RAPGEF2: variants seen among roughly 807,000 people sequenced by gnomAD.
RAPGEF2 encodes Rap guanine nucleotide exchange factor 2.
RAPGEF2 carries 54 observed loss-of-function variants against 186.7 expected under a neutral mutation model. That is an observed-to-expected ratio of 0.29 (90% CI 0.23 to 0.36). RAPGEF2 has a LOEUF of 0.36. Among genes scored for constraint, RAPGEF2 ranks in the 10% least tolerant of loss-of-function variants. The pLI is 1.00. For missense variants in RAPGEF2, 1,532 were observed against 2,045.0 expected (o/e 0.75, Z 4.84); for synonymous variants, 712 against 705.9 (o/e 1.01, Z -0.14).
chr4:159,214,476 G>T (rs1022540625), intron 4 of RAPGEF2, among the ~76,000 whole-genome samples: 4 of 151,848 alleles, frequency 2.6e-5, no homozygotes, highest in African/African-American at 9.7e-5. Context: ...GTACCTAATG[G>T]ATAGGAAAAC....
Position 159,263,170 on chromosome 4 carries a change from G to A in RAPGEF2, c.543+19379G>A, listed in dbSNP as rs568480974. ...AGGACTTGTGTGAGGTATACCCAAAGATGAAATAGATGACGTGAAAATGTA... is the reference window on the plus strand; with the variant it reads ...AGGACTTGTGTGAGGTATACCCAAAAATGAAATAGATGACGTGAAAATGTA... On this transcript the variant is annotated intron_variant, in intron 7 of 29. Coordinates refer to ENST00000691494, the MANE Select transcript of RAPGEF2 (RefSeq NM_001394067.2). Among the ~76,000 whole-genome samples, 6 of 152,250 alleles carry A rather than the reference G, an allele frequency of 3.9e-5. No individual in the cohort carries two copies. In the South Asian group the frequency reaches 1.0e-3, roughly 26 times the overall value.
chr4:159,357,597 C>T (rs1178206350), intron 29 of RAPGEF2, among the ~76,000 whole-genome samples: 1 of 152,176 alleles, frequency 6.6e-6, no homozygotes, highest in Non-Finnish European at 1.5e-5. Context: ...GCAGGAGAAT[C>T]GCTTGAGCCC....
intron 7 of RAPGEF2, among the ~76,000 whole-genome samples, chr4:159,265,146 C>T (rs1434340201): frequency 6.6e-6 from 1 of 152,148 alleles, no homozygotes; most frequent in Non-Finnish European, 1.5e-5. Flanking sequence ...CTTTCCCAGT[C>T]AGTGGAAGGT....
In RAPGEF2 at chr4:159,333,491, C is replaced by T. The variant is rs1766983215; in HGVS notation, c.2135+794C>T. On this transcript the variant is annotated intron_variant, in intron 17 of 29. Transcript: ENST00000691494. ...TCTTCTATTTTCAGTTATTTAATTA[C>T]TGTCAAGGCATCAACAGCCAAGCAC... 2.6e-5 allele frequency among the ~76,000 whole-genome samples: 4 copies of T among 152,150 alleles called. No homozygotes were observed. The South Asian group carries it at 8.3e-4, about 32-fold the overall frequency.
intron 1 of RAPGEF2, among the ~76,000 whole-genome samples, chr4:159,131,074 GTGT>G (rs1740998757): frequency 7.5e-6 from 1 of 133,652 alleles, no homozygotes; most frequent in Non-Finnish European, 1.6e-5. Context: ...AGAGTTTCGC[GTGT>G]TGTTTTGTGT....
At chr4:159,269,887 A>T (rs1190549381) in intron 7 of RAPGEF2, among the ~76,000 whole-genome samples, 1 of 152,172 alleles carries the variant, frequency 6.6e-6, no homozygotes, top group East Asian at 1.9e-4. Flanking sequence ...CACTGCCAGG[A>T]GGAGGAAAAC....
Position 159,210,492 on chromosome 4 carries a change from C to G in RAPGEF2, c.198-8C>G, listed in dbSNP as rs992761559. 2.0e-6 allele frequency: 3 copies of G among 1,522,148 alleles called. No homozygotes were observed. In the African/African-American group the frequency reaches 4.1e-5, roughly 21 times the overall value. The allele number at this position is 1,522,148 out of a possible 1,614,324, so 94.3% of individuals were successfully genotyped here. A position where few individuals can be genotyped will look rare whatever the true frequency, so the allele number is the denominator to read the frequency against. On this transcript the variant is annotated splice_polypyrimidine_tract_variant and splice_region_variant and intron_variant, in intron 3 of 29. Coordinates refer to ENST00000691494, the MANE Select transcript of RAPGEF2 (RefSeq NM_001394067.2). Reference sequence around the variant, plus strand: ...TAACAATCTGATTCTGTTACCTTTTCTTTTCAGCCCTGATGATATTGGGAC... The same window carrying G: ...TAACAATCTGATTCTGTTACCTTTTGTTTTCAGCCCTGATGATATTGGGAC...
rs924738901 is a variant in RAPGEF2, at chr4:159,202,524, C to T, written c.198-7976C>T. Among the ~76,000 whole-genome samples the T allele has an allele frequency of 2.6e-5, 4 of 152,196 alleles. No individual in the cohort carries two copies. In the South Asian group the frequency reaches 6.2e-4, roughly 24 times the overall value. ...TTCTAGGATCAGCATCCTTTACCCA[C>T]AGCCACTTCCGCAACGCCTGCCGCT... On this transcript the variant is annotated intron_variant, in intron 3 of 29. Coordinates refer to ENST00000691494, the MANE Select transcript of RAPGEF2 (RefSeq NM_001394067.2).
intron 4 of RAPGEF2, among the ~76,000 whole-genome samples, chr4:159,234,360 C>T (rs1271104920): frequency 7.1e-6 from 1 of 140,368 alleles, no homozygotes; most frequent in Non-Finnish European, 1.5e-5. Flanking sequence ...TACTGGCTTT[C>T]AGCTGGTGTA....
In RAPGEF2 at chr4:159,304,663, C is replaced by T. The variant is rs1277835653; in HGVS notation, c.675+190C>T. The stretch of plus-strand genomic sequence containing the variant: ...TAGAACTGCTGTCTGATTATACTGC[C>T]TCTGCTATGACGAGTTATCAAAGTG... On this transcript the variant is annotated intron_variant, in intron 8 of 29. Transcript: ENST00000691494. 2.6e-5 allele frequency among the ~76,000 whole-genome samples: 4 copies of T among 151,598 alleles called. No individual in the cohort carries two copies. In the East Asian group the frequency reaches 7.7e-4, roughly 29 times the overall value.
chr4:159,353,712 C>G lies in RAPGEF2; in HGVS notation c.4317C>G (p.His1439Gln). Reference sequence around the variant, plus strand: ...AGACTCTTCCATTCGGGCATACTCACTTTGATTATTCAGGGGATCCTGCAG... The same window carrying G: ...AGACTCTTCCATTCGGGCATACTCAGTTTGATTATTCAGGGGATCCTGCAG... ...SWETLPFGHT[H>Q]FDYSGDPAGL... Residue 1439 changes from histidine to glutamine, a missense_variant, in exon 28 of 30, where the codon CAC becomes CAG. By Grantham distance (24) the His-to-Gln change is conservative. This residue lies in a region of RAPGEF2 where 594 missense variants were observed against 608.5 expected (regional missense o/e 0.98). Coordinates refer to ENST00000691494, the MANE Select transcript of RAPGEF2 (RefSeq NM_001394067.2). The surrounding 1 kb of genome is among the most constrained non-coding windows in gnomAD (Gnocchi z 4.3). 5.0e-6 allele frequency: 8 copies of G among 1,604,818 alleles called. No individual in the cohort carries two copies. The highest frequency in any genetic ancestry group is 6.8e-6 in the Non-Finnish European group (8 of 1,175,806).
intron 1 of RAPGEF2, among the ~76,000 whole-genome samples, chr4:159,165,863 G>A (rs1378266220): frequency 6.6e-6 from 1 of 152,122 alleles, no homozygotes; most frequent in Non-Finnish European, 1.5e-5. Flanking sequence ...AAAGTGCTGC[G>A]ATTACAGGCA....
At chr4:159,332,923 T>C (rs1766889877) in intron 17 of RAPGEF2, 1 of 335,592 alleles carries the variant, frequency 3.0e-6, no homozygotes, top group Admixed American at 4.7e-5. Context: ...TTTCCTCATT[T>C]GAACTATTTT....
intron 7 of RAPGEF2, chr4:159,268,094 C>T: frequency 1.3e-6 from 2 of 1,591,248 alleles, no homozygotes; most frequent in Non-Finnish European, 8.6e-7. Flanking sequence ...TAGAGGGTGA[C>T]TTGCCATCGT....
Position 159,339,178 on chromosome 4 carries a change from T to A in RAPGEF2, c.2358T>A (p.Ser786Arg). The change falls in exon 19 of 30, where the codon AGT becomes AGA. Residue 786 changes from serine to arginine, a missense_variant. Physicochemically the swap from Ser to Arg is moderately radical, Grantham distance 110. Around this residue, in one of 4 missense-constraint regions of RAPGEF2, gnomAD observed 810 missense variants for 1,210.5 expected, o/e 0.67. Transcript: ENST00000691494. ...AGCAAAGCCGCTACATCATGATCAGTAAGGACACTACAGCAAAGGAAGTGG... is the reference window on the plus strand; with the variant it reads ...AGCAAAGCCGCTACATCATGATCAGAAAGGACACTACAGCAAAGGAAGTGG... ...ADQQSRYIMISKDTTAKEVVI... is the reference protein window; with the variant it reads ...ADQQSRYIMIRKDTTAKEVVI... 6.2e-7 allele frequency: 1 copy of A among 1,614,136 alleles called. No individual in the cohort carries two copies. Among genetic ancestry groups the A allele is most frequent in the African/African-American group, 1.3e-5 (1 of 75,044 alleles).
Position 159,353,460 on chromosome 4 carries a change from T to C in RAPGEF2, c.4092-27T>C, listed in dbSNP as rs770359730. 53 of 1,413,096 alleles carry C rather than the reference T, an allele frequency of 3.8e-5. No individual in the cohort carries two copies. In the Admixed American group the frequency reaches 1.3e-3, roughly 36 times the overall value. The allele number at this position is 1,413,096 out of a possible 1,614,324, so 87.5% of individuals were successfully genotyped here. A position where few individuals can be genotyped will look rare whatever the true frequency, so the allele number is the denominator to read the frequency against. ...TTAGTTATCAATCTTGTTTTTTTTTTCTTTTCCATTTCTTTTAACCACTTA... is the reference window on the plus strand; with the variant it reads ...TTAGTTATCAATCTTGTTTTTTTTTCCTTTTCCATTTCTTTTAACCACTTA... On this transcript the variant is annotated intron_variant, in intron 27 of 29. Coordinates refer to ENST00000691494, the MANE Select transcript of RAPGEF2 (RefSeq NM_001394067.2). This position sits in a 1 kb window ranked among gnomAD's most constrained non-coding sequence, Gnocchi z 4.3.
chr4:159,355,726 C>T lies in RAPGEF2; in HGVS notation c.4652-127C>T, dbSNP rs1002901600. The T allele has an allele frequency of 3.3e-6, 3 of 907,498 alleles. No homozygotes were observed. In the African/African-American group the frequency reaches 5.1e-5, roughly 15 times the overall value. The allele number at this position is 907,498 out of a possible 1,614,324, so 56.2% of individuals were successfully genotyped here. ...GGCCTGCCTCACACCGCACCTCTAA[C>T]CGATACCATGCAAATGCACATCTGC... is the stretch of plus-strand genomic sequence containing the variant. On this transcript the variant is annotated intron_variant, in intron 28 of 29. Transcript: ENST00000691494.
At chr4:159,286,028 CCAACCA>C in intron 7 of RAPGEF2, among the ~76,000 whole-genome samples, 1 of 121,746 alleles carries the variant, frequency 8.2e-6, no homozygotes, top group Non-Finnish European at 1.8e-5. Context: ...ACTGTTCCCC[CCAACCA>C]CCACCACCAC....
intron 7 of RAPGEF2, among the ~76,000 whole-genome samples, chr4:159,297,153 C>T (rs1449534461): frequency 6.6e-6 from 1 of 152,172 alleles, no homozygotes; most frequent in Non-Finnish European, 1.5e-5. Context: ...ATATAAGCCA[C>T]ATCTTATCAA....
Sources: allele counts gnomAD v4.1 joint callset (sites outside exome capture counted in the v4.1 genomes callset), GRCh38; gene constraint gnomAD v4.1.1; regional missense constraint gnomAD v4.1.1; non-coding constraint Gnocchi (gnomAD v3.1); transcripts MANE v1.5; gene names NCBI Gene and HGNC (gene_info 2026-07-23, HGNC 2026-07-21).